Variants in BCAR1 observed in about 807,000 individuals in gnomAD.
The protein encoded by BCAR1 is breast cancer anti-estrogen resistance protein 1.
A neutral mutation model predicts 67.6 loss-of-function variants in BCAR1; 30 were observed. That is an observed-to-expected ratio of 0.44 (90% CI 0.33 to 0.60). The LOEUF (loss-of-function observed/expected upper bound fraction) is 0.60. Among genes scored for constraint, BCAR1 ranks in the 20% least tolerant of loss-of-function variants. The pLI, the probability that BCAR1 is intolerant of heterozygous loss-of-function variation, is 0.02. For synonymous variants in BCAR1, 626 were observed against 556.7 expected (o/e 1.12, Z -1.75); for missense variants, 1,313 against 1,222.3 (o/e 1.07, Z -1.11).
intron 1 of BCAR1, chr16:75,248,543 C>T (rs2077589084): frequency 5.2e-6 from 1 of 194,096 alleles, no homozygotes; most frequent in African/African-American, 2.3e-5. Context: ...CTTCCCTCCC[C>T]CATGTCCCCA....
chr16:75,266,114 G>A (rs1380972357), intron 1 of BCAR1: 3 of 880,160 alleles, frequency 3.4e-6, no homozygotes, highest in Non-Finnish European at 4.1e-6. Context: ...GCGGGGAGGC[G>A]CGGTCTCCTC....
At chr16:75,245,541 G>A (rs1334152776) in intron 1 of BCAR1, among the ~76,000 whole-genome samples, 5 of 152,210 alleles carry the variant, frequency 3.3e-5, no homozygotes, top group African/African-American at 9.6e-5. Flanking sequence ...GGGAAAGCCC[G>A]GCCCAGGTGA....
At chr16:75,262,797 C>A (rs1424753730) in intron 1 of BCAR1, among the ~76,000 whole-genome samples, 1 of 152,230 alleles carries the variant, frequency 6.6e-6, no homozygotes, top group Non-Finnish European at 1.5e-5. Flanking sequence ...TGGGGCTAGA[C>A]CCACCCTGCT....
At chr16:75,263,938 G>A in intron 1 of BCAR1, 1 of 1,106,078 alleles carries the variant, frequency 9.0e-7, no homozygotes, top group Non-Finnish European at 1.1e-6. Context: ...CAAGGTCCCA[G>A]GAGAGAGAGC....
intron 1 of BCAR1, chr16:75,248,087 G>A (rs1370575438): frequency 1.3e-6 from 2 of 1,594,000 alleles, no homozygotes; most frequent in African/African-American, 2.7e-5. Context: ...CCAAGGCTCA[G>A]AAGCTCCCTG....
chr16:75,267,548 G>C (rs1319722591), intron 1 of BCAR1, among the ~76,000 whole-genome samples: 3 of 152,092 alleles, frequency 2.0e-5, no homozygotes, highest in Non-Finnish European at 2.9e-5. Context: ...CTGGCGCCCG[G>C]GCTCCTGGCC....
chr16:75,239,448 G>A (rs2077260356), intron 2 of BCAR1, among the ~76,000 whole-genome samples: 1 of 152,148 alleles, frequency 6.6e-6, no homozygotes, highest in South Asian at 2.1e-4. Context: ...GCATCAAGCG[G>A]GGGGACAAGC....
chr16:75,237,155 C>A, intron 3 of BCAR1, 28 bp downstream of exon 3: 1 of 1,497,312 alleles, frequency 6.7e-7, no homozygotes, highest in East Asian at 2.5e-5. Flanking sequence ...CCGCCCTGCC[C>A]TCCCACCGCT....
chr16:75,259,865 A>AG (rs963778876), intron 1 of BCAR1, among the ~76,000 whole-genome samples: 1 of 150,810 alleles, frequency 6.6e-6, no homozygotes, highest in African/African-American at 2.4e-5. Context: ...AAAAAAAAAA[A>AG]AAAAAAAAGA....
In BCAR1 at chr16:75,233,925, T is replaced by A; in HGVS notation, c.2021A>T (p.Glu674Val). The change falls in exon 6 of 7, where the codon GAG (glutamate) becomes GTG (valine). Residue 674 changes from glutamate (E) to valine (V), a missense_variant. By Grantham distance (121) the Glu-to-Val change is moderately radical. This residue lies in a region of BCAR1 where 1,272 missense variants were observed against 1,137.5 expected (regional missense o/e 1.12). Coordinates refer to ENST00000162330, the MANE Select transcript of BCAR1 (RefSeq NM_014567.5). ...YDYVHLQGKE[E>V]FEKTQKELLE... The stretch of plus-strand genomic sequence containing the variant: ...CAGCTCCTTCTGGGTCTTCTCAAAC[T>A]CCTCCTTCCCCTGGAGGGCAGAGAC... 1.9e-6 allele frequency: 3 copies of A among 1,607,368 alleles called. No homozygotes were observed. The South Asian group carries it at 3.3e-5, about 18-fold the overall frequency.
intron 1 of BCAR1, chr16:75,250,697 C>T (rs1026585997): frequency 2.0e-6 from 2 of 985,466 alleles, no homozygotes; most frequent in Non-Finnish European, 2.4e-6. Flanking sequence ...CTCTCGGACC[C>T]TCGAGAGGGA....
rs902741719 is a variant in BCAR1 at position 75,251,581 on chromosome 16, G to A, written c.-99C>T. On this transcript the variant is annotated 5_prime_UTR_variant, in exon 1 of 7. Coordinates refer to ENST00000162330, the MANE Select transcript of BCAR1 (RefSeq NM_014567.5). ...GCTCCGAGCGCGCCGCAGCCGCCCC[G>A]GTGCCGCCGCGCAGCTGCCGCCTCG... 60 of 1,061,924 alleles carry A rather than the reference G, an allele frequency of 5.7e-5. No homozygotes were observed. In the African/African-American group the frequency reaches 8.8e-4, roughly 16 times the overall value. The allele number at this position is 1,061,924 out of a possible 1,614,324, so 65.8% of individuals were successfully genotyped here.
At chr16:75,264,674 C>G in intron 1 of BCAR1, 3 of 1,247,756 alleles carry the variant, frequency 2.4e-6, no homozygotes, top group Non-Finnish European at 3.0e-6. Context: ...ATGCTTTGCA[C>G]TTGGCCAGCT....
At chr16:75,240,156 C>T (rs1251039226) in intron 2 of BCAR1, among the ~76,000 whole-genome samples, 1 of 152,240 alleles carries the variant, frequency 6.6e-6, no homozygotes, top group East Asian at 1.9e-4. Context: ...CTCCTGGCCA[C>T]CATCCTTGTC....
chr16:75,235,195 G>C lies in BCAR1; in HGVS notation c.1704C>G (p.Gly568=), dbSNP rs998132455. 3 of 1,607,854 alleles carry C rather than the reference G, an allele frequency of 1.9e-6. No homozygotes were observed. Among genetic ancestry groups the C allele is most frequent in the Non-Finnish European group, 2.5e-6 (3 of 1,178,498 alleles). ...CCAGGTCCTCAAGGGTGGCTCCAGA[G>C]CCTCCCCGGCCAGCGTCGAGGGCCT... ...HGQALDAGRG[G]SGATLEDLDR... The change falls in exon 5 of 7, where the codon GGC becomes GGG. Residue 568 remains glycine (G), a synonymous_variant. Transcript: ENST00000162330.
intron 4 of BCAR1, 45 bp from the exon 5 acceptor site, chr16:75,236,031 C>G: frequency 6.5e-7 from 1 of 1,529,522 alleles, no homozygotes; most frequent in Non-Finnish European, 8.8e-7. Flanking sequence ...GTCCATCTGC[C>G]CACCCCAGGG....
chr16:75,235,907 G>C lies in BCAR1; in HGVS notation c.992C>G (p.Pro331Arg), dbSNP rs1030581499. ...LLREETYDVP[P>R]AFAKAKPFDP... ...AAAGGGCTTGGCCTTGGCGAAGGCG[G>C]GGGGCACATCGTAGGTCTCCTCACG... Residue 331 changes from proline (P) to arginine (R), a missense_variant, in exon 5 of 7, where the codon CCC becomes CGC. By Grantham distance (103) the Pro-to-Arg change is moderately radical (BLOSUM62 -2). This residue lies in a region of BCAR1 where 1,272 missense variants were observed against 1,137.5 expected (regional missense o/e 1.12). Transcript: ENST00000162330. 6.4e-7 allele frequency: 1 copy of C among 1,565,872 alleles called. No homozygotes were observed. Among genetic ancestry groups the C allele is most frequent in the Admixed American group, 1.9e-5 (1 of 52,800 alleles).
intron 1 of BCAR1, among the ~76,000 whole-genome samples, chr16:75,257,995 C>G (rs1160387763): frequency 6.6e-6 from 1 of 152,218 alleles, no homozygotes; most frequent in African/African-American, 2.4e-5. Context: ...TTAAATGTAC[C>G]CATGACCAGC....
intron 2 of BCAR1, among the ~76,000 whole-genome samples, chr16:75,239,272 A>G (rs2077251572): frequency 6.6e-6 from 1 of 152,072 alleles, no homozygotes; most frequent in African/African-American, 2.4e-5. Context: ...AGAGCCCAGG[A>G]GGAGAGAACA....
Sources: gnomAD v4.1 joint callset for allele counts (sites outside exome capture counted in the v4.1 genomes callset) on GRCh38, gnomAD v4.1.1 for gene constraint, gnomAD v4.1.1 regional missense constraint, MANE v1.5 for transcripts, NCBI Gene and HGNC (gene_info 2026-07-23, HGNC 2026-07-21) for gene names.